Variants in CAMK2D observed in about 807,000 individuals in gnomAD.
CAMK2D encodes calcium/calmodulin dependent protein kinase II delta.
CAMK2D carries 37 observed loss-of-function variants against 84.0 expected under a neutral mutation model. The observed-to-expected ratio is 0.44, with a 90% CI of 0.34 to 0.58. The LOEUF is 0.58. CAMK2D is among the 20% of genes least tolerant of loss of function. CAMK2D has a pLI of 0.02. For synonymous variants in CAMK2D, 202 were observed against 212.5 expected (o/e 0.95, Z 0.43); for missense variants, 448 against 652.5 (o/e 0.69, Z 3.41).
At chr4:113,583,082 AG>A (rs556203973) in intron 4 of CAMK2D, among the ~76,000 whole-genome samples, 1 of 152,180 alleles carries the variant, frequency 6.6e-6, no homozygotes, top group Non-Finnish European at 1.5e-5. Flanking sequence ...TCTTTCATCA[AG>A]GGCTTCTAAT....
chr4:113,577,946 C>T (rs2098791625), intron 4 of CAMK2D, among the ~76,000 whole-genome samples: 1 of 152,064 alleles, frequency 6.6e-6, no homozygotes, highest in African/African-American at 2.4e-5. Flanking sequence ...CACTATGAGC[C>T]ACATATGGAA....
At chr4:113,550,507 G>A (rs2098618662) in intron 5 of CAMK2D, among the ~76,000 whole-genome samples, 1 of 152,184 alleles carries the variant, frequency 6.6e-6, no homozygotes, top group Non-Finnish European at 1.5e-5. Context: ...AGAAGGGAAT[G>A]TTCCTTCTCT....
At chr4:113,573,479 G>A (rs1179616370) in intron 4 of CAMK2D, among the ~76,000 whole-genome samples, 1 of 152,162 alleles carries the variant, frequency 6.6e-6, no homozygotes, top group African/African-American at 2.4e-5. Flanking sequence ...CAGCCCACAT[G>A]GCCTACTCTG....
chr4:113,667,561 A>G (rs1267167690), intron 2 of CAMK2D, among the ~76,000 whole-genome samples: 1 of 152,182 alleles, frequency 6.6e-6, no homozygotes, highest in Non-Finnish European at 1.5e-5. Flanking sequence ...GTCTCACTGA[A>G]TGAGGCATTT....
At chr4:113,521,214 G>A (rs1242599948) in intron 8 of CAMK2D, among the ~76,000 whole-genome samples, 7 of 152,032 alleles carry the variant, frequency 4.6e-5, no homozygotes, top group African/African-American at 1.4e-4. Flanking sequence ...ATCCCCCAAA[G>A]GTTAGGACTT....
chr4:113,667,583 A>C (rs1483793321), intron 2 of CAMK2D, among the ~76,000 whole-genome samples: 2 of 152,202 alleles, frequency 1.3e-5, no homozygotes, highest in East Asian at 1.9e-4. Flanking sequence ...TCTAGAAAGA[A>C]TATAGAATCT....
intron 3 of CAMK2D, among the ~76,000 whole-genome samples, chr4:113,646,971 G>A (rs377278249): frequency 1.3e-5 from 2 of 152,130 alleles, no homozygotes; most frequent in East Asian, 1.9e-4. Context: ...AAAAAATAAT[G>A]TTTTCTAGTT....
chr4:113,502,424 C>T (rs1468231867), intron 15 of CAMK2D, among the ~76,000 whole-genome samples: 1 of 138,940 alleles, frequency 7.2e-6, no homozygotes, highest in Non-Finnish European at 1.5e-5. Flanking sequence ...ACAATAACAA[C>T]ATCATCACCA....
chr4:113,679,513 A>T, intron 2 of CAMK2D: 1 of 838,140 alleles, frequency 1.2e-6, no homozygotes, highest in South Asian at 5.5e-5. Context: ...TTAAAAATCA[A>T]TAATAACATG....
intron 16 of CAMK2D, among the ~76,000 whole-genome samples, chr4:113,492,328 T>A (rs1369899003): frequency 2.6e-5 from 4 of 152,196 alleles, no homozygotes; most frequent in Non-Finnish European, 4.4e-5. Context: ...TCCCAGAGAT[T>A]CTGGTATGTT....
At chr4:113,598,636 C>T (rs901197360) in intron 4 of CAMK2D, among the ~76,000 whole-genome samples, 9 of 152,178 alleles carry the variant, frequency 5.9e-5, no homozygotes, top group Admixed American at 5.2e-4. Context: ...AAAACACACA[C>T]CGGATAAAGC....
chr4:113,486,617 C>A (rs2097767974), intron 16 of CAMK2D, among the ~76,000 whole-genome samples: 1 of 152,170 alleles, frequency 6.6e-6, no homozygotes, highest in African/African-American at 2.4e-5. Flanking sequence ...GAATATTAAG[C>A]CTGAATCCTT....
At chr4:113,611,673 A>G (rs1328514886) in intron 3 of CAMK2D, among the ~76,000 whole-genome samples, 2 of 152,188 alleles carry the variant, frequency 1.3e-5, no homozygotes, top group African/African-American at 4.8e-5. Context: ...ACTTATTAAT[A>G]CTAATTAATA....
chr4:113,556,009 G>A (rs745366422), intron 4 of CAMK2D, among the ~76,000 whole-genome samples: 11 of 152,100 alleles, frequency 7.2e-5, no homozygotes, highest in Non-Finnish European at 1.3e-4. Context: ...ACGCTGGCAC[G>A]CTGATACGCT....
At chr4:113,610,332 G>A (rs1468564683) in intron 3 of CAMK2D, among the ~76,000 whole-genome samples, 1 of 152,072 alleles carries the variant, frequency 6.6e-6, no homozygotes, top group Admixed American at 6.5e-5. Flanking sequence ...GGACACAACT[G>A]CTTTTACAAA....
intron 8 of CAMK2D, among the ~76,000 whole-genome samples, chr4:113,523,965 A>C (rs1254322200): frequency 6.6e-6 from 1 of 151,960 alleles, no homozygotes; most frequent in East Asian, 1.9e-4. Flanking sequence ...CCTGACTCAA[A>C]TGATCTTCCC....
chr4:113,616,477 C>T (rs1389923613), intron 3 of CAMK2D, among the ~76,000 whole-genome samples: 1 of 152,208 alleles, frequency 6.6e-6, no homozygotes, highest in South Asian at 2.1e-4. Context: ...AATCATTATG[C>T]CTTTTATAAG....
intron 2 of CAMK2D, among the ~76,000 whole-genome samples, chr4:113,669,573 G>A (rs72893997): frequency 0.049 from 7,437 of 152,218 alleles, 281 homozygotes; most frequent in African/African-American, 0.1. Context: ...TATACCCTTC[G>A]TAGCTCTACC....
chr4:113,612,046 T>G (rs1340422774), intron 3 of CAMK2D, among the ~76,000 whole-genome samples: 1 of 152,128 alleles, frequency 6.6e-6, no homozygotes, highest in African/African-American at 2.4e-5. Flanking sequence ...AATAATGAAC[T>G]GAAAAAACAG....
Sources: allele counts gnomAD v4.1 joint callset (sites outside exome capture counted in the v4.1 genomes callset), GRCh38; gene constraint gnomAD v4.1.1; transcripts MANE v1.5; gene names NCBI Gene and HGNC (gene_info 2026-07-23, HGNC 2026-07-21).